Variants in OLFM4 observed in about 807,000 individuals in gnomAD.
The protein encoded by OLFM4 is olfactomedin 4, also known as olfactomedin-4.
Under a neutral mutation model 25.5 loss-of-function variants are expected in OLFM4, and 22 were observed. The observed-to-expected ratio is 0.86, with a 90% confidence interval of 0.62 to 1.23. The LOEUF is 1.23. Ranked by LOEUF, OLFM4 falls within the 50% of genes most tolerant of loss-of-function variation. The pLI, the probability that OLFM4 is intolerant of heterozygous loss-of-function variation, is 0.00. For synonymous variants in OLFM4, 255 were observed against 237.7 expected (o/e 1.07, Z -0.67); for missense variants, 594 against 619.4 (o/e 0.96, Z 0.44).
At chr13:53,030,672 C>G (rs1954624618) in intron 1 of OLFM4, among the ~76,000 whole-genome samples, 1 of 152,128 alleles carries the variant, frequency 6.6e-6, no homozygotes, top group Non-Finnish European at 1.5e-5. Context: ...AAAACTAAGG[C>G]TTATCAAGGT....
At chr13:53,037,105 G>T (rs1218837716) in intron 2 of OLFM4, among the ~76,000 whole-genome samples, 1 of 152,214 alleles carries the variant, frequency 6.6e-6, no homozygotes, top group Non-Finnish European at 1.5e-5. Context: ...GGGGGCCTGG[G>T]AGAATGCCCG....
chr13:53,044,498 T>C (rs1163292051), intron 4 of OLFM4, among the ~76,000 whole-genome samples: 2 of 152,202 alleles, frequency 1.3e-5, no homozygotes, highest in East Asian at 3.8e-4. Flanking sequence ...AGGCTTCAAT[T>C]ATTAAATAGG....
At chr13:53,043,646 A>G (rs7991623) in intron 4 of OLFM4, among the ~76,000 whole-genome samples, 111,255 of 152,066 alleles carry the variant, frequency 0.73, 41,507 homozygotes, top group East Asian at 0.88. Context: ...GGAGTTAAGG[A>G]CTGATTGGCT....
chr13:53,050,557 T>G lies in OLFM4; in HGVS notation c.1319T>G (p.Leu440Arg). The G allele has an allele frequency of 6.2e-7, 1 of 1,614,016 alleles. No homozygotes were observed. The highest frequency in any genetic ancestry group is 8.5e-7 in the Non-Finnish European group (1 of 1,179,960). The change falls in exon 5 of 5, where the codon CTG becomes CGG. Residue 440 changes from leucine (L) to arginine (R), a missense_variant. Physicochemically the swap from Leu to Arg is moderately radical, Grantham distance 102. Coordinates refer to ENST00000219022, the MANE Select transcript of OLFM4 (RefSeq NM_006418.5). ...ASNAFMVCGV[L>R]YATRTMNTRT... ...AACGCCTTCATGGTATGTGGGGTTC[T>G]GTATGCCACCCGTACTATGAACACC...
intron 1 of OLFM4, among the ~76,000 whole-genome samples, chr13:53,033,008 C>T (rs1364836838): frequency 2.0e-5 from 3 of 152,150 alleles, no homozygotes; most frequent in Non-Finnish European, 2.9e-5. Flanking sequence ...TCCCTTCAGG[C>T]TGATGTTCCA....
In OLFM4 at chr13:53,051,607, C is replaced by T. The variant is rs1443378134; in HGVS notation, c.*836C>T. 6.6e-6 allele frequency: 1 copy of T among 152,070 alleles called. No individual in the cohort carries two copies. Among genetic ancestry groups the T allele is most frequent in the East Asian group, 1.9e-4 (1 of 5,194 alleles). The allele number at this position is 152,070 out of a possible 1,614,324, so 9.4% of individuals were successfully genotyped here. A position where few individuals can be genotyped will look rare whatever the true frequency, so the allele number is the denominator to read the frequency against. Reference sequence around the variant, plus strand: ...ATTAATAGTTTTCTATGGAACTGATCTAAGATTAGAAAAATTAATTTTCTT... The same window carrying T: ...ATTAATAGTTTTCTATGGAACTGATTTAAGATTAGAAAAATTAATTTTCTT... On this transcript the variant is annotated 3_prime_UTR_variant, in exon 5 of 5. Coordinates refer to ENST00000219022, the MANE Select transcript of OLFM4 (RefSeq NM_006418.5).
rs1566321144 is a variant in OLFM4 at position 53,050,002 on chromosome 13, GCAAACCGT to G, written c.766_773del (p.Lys256CysfsTer18). On this transcript the variant is annotated frameshift_variant, in exon 5 of 5. Coordinates refer to ENST00000219022, the MANE Select transcript of OLFM4 (RefSeq NM_006418.5). LOFTEE classifies it low-confidence loss of function (END_TRUNC). ...GGTCATGGTGGTGTGGTGAACATCA[GCAAACCGT>G]CTGTGGTTCAGCTCAACTGGAGAGG... is the stretch of plus-strand genomic sequence containing the variant. The G allele has an allele frequency of 6.2e-7, 1 of 1,610,542 alleles. No individual in the cohort carries two copies. Among genetic ancestry groups the G allele is most frequent in the Non-Finnish European group, 8.5e-7 (1 of 1,176,988 alleles).
chr13:53,044,493 T>C (rs1312483685), intron 4 of OLFM4, among the ~76,000 whole-genome samples: 1 of 152,186 alleles, frequency 6.6e-6, no homozygotes, highest in African/African-American at 2.4e-5. Context: ...TTTTAAGGCT[T>C]CAATTATTAA....
At chr13:53,049,071 TG>T (rs1408689342) in intron 4 of OLFM4, among the ~76,000 whole-genome samples, 1 of 152,164 alleles carries the variant, frequency 6.6e-6, no homozygotes, top group Non-Finnish European at 1.5e-5. Flanking sequence ...GTAGATTCAG[TG>T]GACCAGTGAA....
In OLFM4 at chr13:53,034,428, C is replaced by T. The variant is rs368740072; in HGVS notation, c.285C>T (p.Pro95=). ...CSVSLPDTTF[P]VDRVERLEFT... is the part of the protein sequence containing the mutation. The stretch of plus-strand genomic sequence containing the variant: ...TTTCCCTGCCAGACACCACCTTTCC[C>T]GTGGACAGAGTGGAACGCTTGGAAT... The change falls in exon 2 of 5, where the codon CCC becomes CCT. Residue 95 remains proline, a synonymous_variant. Coordinates refer to ENST00000219022, the MANE Select transcript of OLFM4 (RefSeq NM_006418.5). 6.8e-6 allele frequency: 11 copies of T among 1,613,938 alleles called. No homozygotes were observed. Among genetic ancestry groups the T allele is most frequent in the African/African-American group, 4.0e-5 (3 of 74,880 alleles).
intron 4 of OLFM4, among the ~76,000 whole-genome samples, chr13:53,045,866 C>T (rs926424359): frequency 1.3e-5 from 2 of 152,078 alleles, no homozygotes; most frequent in African/African-American, 4.8e-5. Flanking sequence ...AACTTTTTTC[C>T]CTTAAAACTT....
At chr13:53,047,291 G>T (rs570428631) in intron 4 of OLFM4, among the ~76,000 whole-genome samples, 1 of 152,308 alleles carries the variant, frequency 6.6e-6, no homozygotes, top group African/African-American at 2.4e-5. Flanking sequence ...GAGAAGCTCA[G>T]TGAAGATGGG....
At chr13:53,030,746 C>A (rs1453598530) in intron 1 of OLFM4, among the ~76,000 whole-genome samples, 1 of 152,208 alleles carries the variant, frequency 6.6e-6, no homozygotes, top group East Asian at 1.9e-4. Context: ...TCTGTCCATT[C>A]TCTTCACCAT....
At chr13:53,037,989 A>G (rs1404471835) in intron 2 of OLFM4, among the ~76,000 whole-genome samples, 1 of 152,128 alleles carries the variant, frequency 6.6e-6, no homozygotes, top group Non-Finnish European at 1.5e-5. Context: ...ATTCCTCATC[A>G]ATGATATAGT....
At chr13:53,045,216 G>T (rs182119496) in intron 4 of OLFM4, among the ~76,000 whole-genome samples, 67 of 152,098 alleles carry the variant, frequency 4.4e-4, no homozygotes, top group African/African-American at 1.5e-3. Context: ...CTGTTGGGTT[G>T]TTTTTGTTGG....
In OLFM4 at chr13:53,034,332, T is replaced by G; in HGVS notation, c.205-16T>G. On this transcript the variant is annotated splice_polypyrimidine_tract_variant and intron_variant, in intron 1 of 4. Coordinates refer to ENST00000219022, the MANE Select transcript of OLFM4 (RefSeq NM_006418.5). ...TTCCAGCTTGTTATTGATGTTCAAC[T>G]TGTTATTATTTGCAGTTGTTTTCCA... 6.2e-7 allele frequency: 1 copy of G among 1,605,146 alleles called. No individual in the cohort carries two copies. Among genetic ancestry groups the G allele is most frequent in the Non-Finnish European group, 8.5e-7 (1 of 1,177,466 alleles).
chr13:53,030,837 G>A (rs118163756), intron 1 of OLFM4, among the ~76,000 whole-genome samples: 223 of 152,284 alleles, frequency 1.5e-3, no homozygotes, highest in Non-Finnish European at 8.2e-4. Context: ...GGAGGCTTGG[G>A]AATCATAAGT....
At chr13:53,043,338 G>A in intron 4 of OLFM4, 74 bp downstream of exon 4, 1 of 1,242,412 alleles carries the variant, frequency 8.0e-7, no homozygotes, top group Non-Finnish European at 1.1e-6. Flanking sequence ...GGAAGGGATT[G>A]GGGATTGCAA....
intron 2 of OLFM4, among the ~76,000 whole-genome samples, chr13:53,034,871 TTCTTTCTTC>T (rs1186875689): frequency 6.6e-6 from 1 of 152,202 alleles, no homozygotes; most frequent in Non-Finnish European, 1.5e-5. Flanking sequence ...TTGCTTTCTT[TTCTTTCTTC>T]TCCTCTATCC....
Sources: gnomAD v4.1 joint callset for allele counts (sites outside exome capture counted in the v4.1 genomes callset) on GRCh38, gnomAD v4.1.1 for gene constraint, MANE v1.5 for transcripts, NCBI Gene and HGNC (gene_info 2026-07-23, HGNC 2026-07-21) for gene names.